Variants in DOK5 observed in about 807,000 individuals in gnomAD.
DOK5 encodes docking protein 5, also known as downstream of tyrosine kinase 5.
Under a neutral mutation model 43.3 loss-of-function variants are expected in DOK5, and 27 were observed. The ratio of observed to expected loss-of-function variants is 0.62; its 90% confidence interval spans 0.46 to 0.86. DOK5 has a LOEUF of 0.86. Ranked by LOEUF, DOK5 falls within the 40% of genes least tolerant of loss-of-function variation. The pLI is 0.00. For missense variants in DOK5, 373 were observed against 392.9 expected (o/e 0.95, Z 0.43); for synonymous variants, 146 against 140.1 (o/e 1.04, Z -0.30).
At chr20:54,587,654 T>C (rs1985849357) in intron 2 of DOK5, among the ~76,000 whole-genome samples, 1 of 151,988 alleles carries the variant, frequency 6.6e-6, no homozygotes, top group African/African-American at 2.4e-5. Flanking sequence ...AGATGACCAC[T>C]GTGGAAATAT....
Position 54,482,457 on chromosome 20 carries a change from C to A in DOK5, c.66+6445C>A, listed in dbSNP as rs527999015. 2.6e-5 allele frequency among the ~76,000 whole-genome samples: 4 copies of A among 152,290 alleles called. No individual in the cohort carries two copies. The East Asian group carries it at 7.7e-4, about 29-fold the overall frequency. ...TATGGTACCATGACAAAGTCATAAT[C>A]GTAGTATGAAAATTATACAGATAGA... On this transcript the variant is annotated intron_variant, in intron 1 of 7. Transcript: ENST00000262593.
intron 1 of DOK5, among the ~76,000 whole-genome samples, chr20:54,503,120 A>G (rs1374103498): frequency 6.6e-6 from 1 of 152,182 alleles, no homozygotes; most frequent in Non-Finnish European, 1.5e-5. Context: ...GTTGTAAGTC[A>G]GTGACTGGGT....
chr20:54,487,623 T>G (rs1981990498), intron 1 of DOK5, among the ~76,000 whole-genome samples: 1 of 152,142 alleles, frequency 6.6e-6, no homozygotes, highest in Non-Finnish European at 1.5e-5. Context: ...AAAATAGGTT[T>G]TCTAAAATTT....
intron 6 of DOK5, among the ~76,000 whole-genome samples, chr20:54,610,894 G>A (rs529341401): frequency 6.6e-6 from 1 of 152,116 alleles, no homozygotes; most frequent in Non-Finnish European, 1.5e-5. Flanking sequence ...TGAAAGAAGA[G>A]GGCTGAGGGA....
chr20:54,625,399 C>CG (rs1184609309), intron 6 of DOK5, among the ~76,000 whole-genome samples: 7 of 152,170 alleles, frequency 4.6e-5, no homozygotes, highest in Non-Finnish European at 8.8e-5. Flanking sequence ...GACGTTTGGC[C>CG]AGTTGCCATT....
At chr20:54,646,942 C>T (rs1228751592) in intron 7 of DOK5, among the ~76,000 whole-genome samples, 1 of 148,356 alleles carries the variant, frequency 6.7e-6, no homozygotes, top group African/African-American at 2.5e-5. Context: ...GGAAATCATA[C>T]AGACCCTTAA....
chr20:54,650,312 A>G, intron 7 of DOK5, 103 bp from the exon 8 acceptor site: 2 of 1,141,756 alleles, frequency 1.8e-6, no homozygotes, highest in Non-Finnish European at 2.5e-6. Flanking sequence ...TTCTGCCTTA[A>G]GTACATTTAC....
chr20:54,628,408 CAAAAAAAAAAAAAAAAAAAAAAAA>C (rs56730310), intron 6 of DOK5, among the ~76,000 whole-genome samples: 7 of 23,408 alleles, frequency 3.0e-4, no homozygotes, highest in African/African-American at 9.5e-4. Context: ...GACTCCGTCT[CAAAAAAAAAAAAAAAAAAAAAAAA>C]AAAAAAAAAA....
intron 6 of DOK5, among the ~76,000 whole-genome samples, chr20:54,634,665 TCTC>T (rs1978740083): frequency 6.6e-6 from 1 of 151,854 alleles, no homozygotes; most frequent in Admixed American, 6.6e-5. Context: ...ATGGTCTCGA[TCTC>T]CTGACCTCGT....
chr20:54,611,680 G>A (rs905669644), intron 6 of DOK5, among the ~76,000 whole-genome samples: 3 of 152,214 alleles, frequency 2.0e-5, no homozygotes, highest in African/African-American at 7.2e-5. Flanking sequence ...ATCATGCGTT[G>A]TGGCTGCAAA....
intron 1 of DOK5, among the ~76,000 whole-genome samples, chr20:54,499,035 C>G (rs531543990): frequency 2.6e-4 from 39 of 152,210 alleles, no homozygotes; most frequent in Admixed American, 7.9e-4. Flanking sequence ...ACCGGTGACC[C>G]CAATTTCATG....
intron 2 of DOK5, among the ~76,000 whole-genome samples, chr20:54,556,368 C>G (rs550737456): frequency 1.3e-5 from 2 of 152,254 alleles, no homozygotes; most frequent in East Asian, 3.9e-4. Flanking sequence ...TTTTTGTTCT[C>G]AGGGAGGAGT....
At chr20:54,508,158 T>G (rs1982882095) in intron 1 of DOK5, among the ~76,000 whole-genome samples, 1 of 152,086 alleles carries the variant, frequency 6.6e-6, no homozygotes, top group African/African-American at 2.4e-5. Flanking sequence ...ACCCATAGAC[T>G]TCAAACTTTT....
At chr20:54,607,669 G>A (rs1009437756) in intron 5 of DOK5, among the ~76,000 whole-genome samples, 2 of 151,790 alleles carry the variant, frequency 1.3e-5, no homozygotes, top group Non-Finnish European at 2.9e-5. Context: ...GGCAGATCAC[G>A]AGGTCAGGAG....
chr20:54,646,876 A>G (rs1327111674), intron 7 of DOK5, among the ~76,000 whole-genome samples: 2 of 143,164 alleles, frequency 1.4e-5, no homozygotes, highest in Non-Finnish European at 3.0e-5. Context: ...ATTCACCTAC[A>G]TTGATGAATT....
rs552400156 is a variant in DOK5, at chr20:54,581,621, C to T, written c.175-6862C>T. 4.6e-5 allele frequency among the ~76,000 whole-genome samples: 7 copies of T among 151,686 alleles called. No individual in the cohort carries two copies. In the East Asian group the frequency reaches 1.2e-3, roughly 25 times the overall value. ...TTTCATCCACTTGGTTATATTTATT[C>T]CTAAATATTTTGGGTTTTTTGATGC... is the stretch of plus-strand genomic sequence containing the variant. On this transcript the variant is annotated intron_variant, in intron 2 of 7. Coordinates refer to ENST00000262593, the MANE Select transcript of DOK5 (RefSeq NM_018431.5).
chr20:54,626,088 C>A (rs1215078308), intron 6 of DOK5, among the ~76,000 whole-genome samples: 1 of 152,168 alleles, frequency 6.6e-6, no homozygotes, highest in Non-Finnish European at 1.5e-5. Context: ...TGACCAGACA[C>A]TCTAAAATCC....
chr20:54,565,974 C>T (rs560069137), intron 2 of DOK5, among the ~76,000 whole-genome samples: 5 of 149,468 alleles, frequency 3.3e-5, no homozygotes, highest in African/African-American at 7.5e-5. Flanking sequence ...GTGGAGATCA[C>T]GTCACTGCAC....
intron 1 of DOK5, among the ~76,000 whole-genome samples, chr20:54,547,351 C>T (rs1372223662): frequency 6.6e-6 from 1 of 152,178 alleles, no homozygotes. Flanking sequence ...GTACTATTTC[C>T]TTTCAACAGG....
Sources: allele counts gnomAD v4.1 joint callset (sites outside exome capture counted in the v4.1 genomes callset), GRCh38; gene constraint gnomAD v4.1.1; transcripts MANE v1.5; gene names NCBI Gene and HGNC (gene_info 2026-07-23, HGNC 2026-07-21).